MAGI2: variants seen among roughly 807,000 people sequenced by gnomAD.
MAGI2 encodes the protein membrane-associated guanylate kinase, WW and PDZ domain-containing protein 2.
A neutral mutation model predicts 133.3 loss-of-function variants in MAGI2; 35 were observed. The ratio of observed to expected loss-of-function variants is 0.26; its 90% confidence interval spans 0.20 to 0.35. The LOEUF (loss-of-function observed/expected upper bound fraction) is 0.35, where lower values mean the gene tolerates loss of function less well. Among genes scored for constraint, MAGI2 ranks in the 10% least tolerant of loss-of-function variants. The probability of loss-of-function intolerance (pLI) is 1.00; values close to 1 mark genes in which losing one functional copy is unlikely to be tolerated. For missense variants in MAGI2, 1,636 were observed against 1,863.4 expected, an observed-to-expected ratio of 0.88 and a Z score of 2.25; for synonymous variants, 729 against 710.6, an observed-to-expected ratio of 1.03 and a Z score of -0.41.
intron 21 of MAGI2, among the ~76,000 whole-genome samples, chr7:78,044,488 G>A (rs1811186836): frequency 6.6e-6 from 1 of 152,168 alleles, no homozygotes; most frequent in Non-Finnish European, 1.5e-5. Flanking sequence ...GAATCAATGT[G>A]GAGTTTTAGT....
intron 3 of MAGI2, among the ~76,000 whole-genome samples, chr7:78,568,646 C>T (rs544236179): frequency 2.0e-5 from 3 of 152,314 alleles, no homozygotes; most frequent in African/African-American, 7.2e-5. Flanking sequence ...AGTTACCACA[C>T]GACTGCTTCC....
intron 2 of MAGI2, among the ~76,000 whole-genome samples, chr7:78,690,275 G>T (rs1271955881): frequency 6.6e-6 from 1 of 152,154 alleles, no homozygotes; most frequent in African/African-American, 2.4e-5. Context: ...TCACAATGTG[G>T]TGAACTTGAG....
intron 10 of MAGI2, chr7:78,253,689 G>A (rs1339503488): frequency 1.3e-5 from 2 of 152,154 alleles, no homozygotes; most frequent in Non-Finnish European, 2.9e-5. Flanking sequence ...GTCTGGGATA[G>A]GACAGACAAT....
chr7:78,907,772 CAG>C (rs1798091996), intron 2 of MAGI2, among the ~76,000 whole-genome samples: 1 of 152,032 alleles, frequency 6.6e-6, no homozygotes, highest in Non-Finnish European at 1.5e-5. Flanking sequence ...ATTTTGCAAG[CAG>C]AGAGATAAAC....
At chr7:78,040,079 T>G (rs554227191) in intron 21 of MAGI2, among the ~76,000 whole-genome samples, 2 of 151,988 alleles carry the variant, frequency 1.3e-5, no homozygotes, top group Admixed American at 6.5e-5. Flanking sequence ...TACAGATGTC[T>G]GTTTGACTTG....
chr7:78,633,134 T>C (rs950744789), intron 2 of MAGI2, among the ~76,000 whole-genome samples: 6 of 152,174 alleles, frequency 3.9e-5, no homozygotes, highest in African/African-American at 1.2e-4. Context: ...AGCAAACTAA[T>C]GGACGAACAG....
At chr7:78,319,647 T>C (rs996058758) in intron 9 of MAGI2, among the ~76,000 whole-genome samples, 5 of 152,210 alleles carry the variant, frequency 3.3e-5, no homozygotes, top group Non-Finnish European at 7.3e-5. Flanking sequence ...GGGAAATTTA[T>C]AGCACTAAAT....
intron 2 of MAGI2, among the ~76,000 whole-genome samples, chr7:78,941,303 G>T (rs1441730248): frequency 6.6e-6 from 1 of 152,050 alleles, no homozygotes; most frequent in Admixed American, 6.6e-5. Flanking sequence ...AAGATCTTTT[G>T]CAACAAGACA....
intron 1 of MAGI2, among the ~76,000 whole-genome samples, chr7:79,333,894 A>G (rs1470661125): frequency 1.3e-5 from 2 of 152,214 alleles, no homozygotes; most frequent in Non-Finnish European, 2.9e-5. Context: ...TTATAAGTAA[A>G]CAACTTTTAA....
chr7:79,390,969 T>C (rs1844557516), intron 1 of MAGI2, among the ~76,000 whole-genome samples: 2 of 152,296 alleles, frequency 1.3e-5, no homozygotes, highest in Admixed American at 6.5e-5. Flanking sequence ...CAATTCATAG[T>C]ATCCTAAATC....
intron 2 of MAGI2, among the ~76,000 whole-genome samples, chr7:78,636,951 T>G (rs1339914583): frequency 6.6e-6 from 1 of 152,222 alleles, no homozygotes; most frequent in Non-Finnish European, 1.5e-5. Flanking sequence ...GCCTGATTAT[T>G]TGCATTTCTA....
chr7:78,589,709 C>A (rs371154364), intron 3 of MAGI2, among the ~76,000 whole-genome samples: 1 of 152,148 alleles, frequency 6.6e-6, no homozygotes, highest in Non-Finnish European at 1.5e-5. Context: ...GCTCCATGCA[C>A]GTAGCCATGG....
At chr7:78,557,548 A>G (rs988940833) in intron 3 of MAGI2, among the ~76,000 whole-genome samples, 1 of 152,134 alleles carries the variant, frequency 6.6e-6, no homozygotes, top group African/African-American at 2.4e-5. Flanking sequence ...TGAAACACAT[A>G]TGGAGGCTCC....
chr7:79,184,754 T>C (rs1826920943), intron 1 of MAGI2, among the ~76,000 whole-genome samples: 1 of 151,868 alleles, frequency 6.6e-6, no homozygotes, highest in African/African-American at 2.4e-5. Context: ...ACTGCAATTC[T>C]GATTCTATCA....
At chr7:79,290,209 CAG>C (rs1379505244) in intron 1 of MAGI2, among the ~76,000 whole-genome samples, 3 of 151,988 alleles carry the variant, frequency 2.0e-5, no homozygotes, top group Admixed American at 6.6e-5. Context: ...AAGCAAAACA[CAG>C]AAATTTCCTG....
At chr7:79,125,782 G>C in intron 1 of MAGI2, 1 of 517,482 alleles carries the variant, frequency 1.9e-6, no homozygotes, top group Non-Finnish European at 3.8e-6. Context: ...GGTGGTTCCA[G>C]TGGCAGCAGT....
Position 79,453,607 on chromosome 7 carries a change from G to A in MAGI2, c.-287C>T, listed in dbSNP as rs1019159064. On this transcript the variant is annotated 5_prime_UTR_variant, in exon 1 of 22. Coordinates refer to ENST00000354212, the MANE Select transcript of MAGI2 (RefSeq NM_012301.4). Reference sequence around the variant, plus strand: ...CGCAGCAGAGGAAGCAGTGGTGGTGGCGTCGGCGGCGGCGGCGGCGGCAGC... The same window carrying A: ...CGCAGCAGAGGAAGCAGTGGTGGTGACGTCGGCGGCGGCGGCGGCGGCAGC... The A allele has an allele frequency of 2.3e-5, 26 of 1,134,538 alleles. No homozygotes were observed. In the African/African-American group the frequency reaches 3.7e-4, roughly 16 times the overall value. 70.3% of individuals were successfully genotyped at this position (1,134,538 alleles called of 1,614,324 possible). A position where few individuals can be genotyped will look rare whatever the true frequency, so the allele number is the denominator to read the frequency against.
At chr7:79,314,857 G>C (rs1407688094) in intron 1 of MAGI2, among the ~76,000 whole-genome samples, 1 of 152,180 alleles carries the variant, frequency 6.6e-6, no homozygotes, top group African/African-American at 2.4e-5. Context: ...CCTCTTGGTA[G>C]AATTTTGGAG....
intron 14 of MAGI2, among the ~76,000 whole-genome samples, chr7:78,176,017 C>A (rs1036758577): frequency 2.0e-5 from 3 of 152,086 alleles, no homozygotes; most frequent in Non-Finnish European, 4.4e-5. Flanking sequence ...TCAGTTCTCT[C>A]TATTATAAAA....
Sources: gnomAD v4.1 joint callset for allele counts (sites outside exome capture counted in the v4.1 genomes callset) on GRCh38, gnomAD v4.1.1 for gene constraint, MANE v1.5 for transcripts, NCBI Gene and HGNC (gene_info 2026-07-23, HGNC 2026-07-21) for gene names.